Variants in ZNF213 observed in about 807,000 individuals in gnomAD.
The protein encoded by ZNF213 is putative transcription factor CR53.
Under a neutral mutation model 46.0 loss-of-function variants are expected in ZNF213, and 32 were observed. The observed-to-expected ratio is 0.70, with a 90% CI of 0.52 to 0.93. The LOEUF (loss-of-function observed/expected upper bound fraction) is 0.93, where lower values mean the gene tolerates loss of function less well. Ranked by LOEUF, ZNF213 falls within the 40% of genes least tolerant of loss-of-function variation. The probability of loss-of-function intolerance (pLI) is 0.00; values close to 1 mark genes in which losing one functional copy is unlikely to be tolerated. For synonymous variants in ZNF213, 297 were observed against 271.0 expected, an observed-to-expected ratio of 1.10 and a Z score of -0.94; for missense variants, 639 against 652.8, an observed-to-expected ratio of 0.98 and a Z score of 0.23.
Position 3,138,424 on chromosome 16 carries a change from C to G in ZNF213, c.406C>G (p.Pro136Ala), listed in dbSNP as rs1957565577. The G allele has an allele frequency of 1.2e-6, 2 of 1,613,516 alleles. No individual in the cohort carries two copies. The highest frequency in any genetic ancestry group is 1.7e-5 in the Admixed American group (1 of 59,920). Residue 136 changes from proline (P) to alanine (A), a missense_variant, in exon 3 of 6, where the codon CCC (proline) becomes GCC (alanine). Transcript: ENST00000396878. ...QPVKAWRQDV[P>A]SEEAEPEAAG... ...TGTTGTGGTTCCTGCACAGGATGTG[C>G]CCTCGGAGGAGGCGGAACCCGAGGC...
rs1957590437 is a variant in ZNF213, at chr16:3,140,435, C to G, written c.722-254C>G. On this transcript the variant is annotated intron_variant, in intron 5 of 5. Transcript: ENST00000396878. ...ACGGGGTTTCACCATGTTGGCCAGG[C>G]TGGTCTCGAACTCCTAACCTCAGGT... is the stretch of plus-strand genomic sequence containing the variant. 13 of 391,944 alleles carry G rather than the reference C, an allele frequency of 3.3e-5. No individual in the cohort carries two copies. The East Asian group carries it at 5.7e-4, about 17-fold the overall frequency. 24.3% of individuals were successfully genotyped at this position (391,944 alleles called of 1,614,324 possible).
chr16:3,137,870 A>G (rs527770070), intron 2 of ZNF213, 191 bp downstream of exon 2: 1 of 741,228 alleles, frequency 1.3e-6, no homozygotes, highest in East Asian at 2.7e-5. Context: ...AATGTGATTT[A>G]TTTTTTGTGG....
rs754825183 is a variant in ZNF213 at position 3,137,460 on chromosome 16, T to C, written c.180T>C (p.His60=). 6.2e-7 allele frequency: 1 copy of C among 1,613,956 alleles called. No homozygotes were observed. Among genetic ancestry groups the C allele is most frequent in the Non-Finnish European group, 8.5e-7 (1 of 1,180,036 alleles). Residue 60 remains histidine (H), a synonymous_variant, in exon 2 of 6, where the codon CAT becomes CAC. Coordinates refer to ENST00000396878, the MANE Select transcript of ZNF213 (RefSeq NM_004220.3). ...QFCYGDVHGP[H]EAFSQLWELC... ...GCTACGGGGATGTGCATGGGCCTCA[T>C]GAGGCCTTCAGCCAGCTCTGGGAGC... is the stretch of plus-strand genomic sequence containing the variant.
Position 3,138,819 on chromosome 16 carries a change from G to C in ZNF213, c.597+1G>C, listed in dbSNP as rs756161340. On this transcript the variant is annotated splice_donor_variant, in intron 4 of 5. Coordinates refer to ENST00000396878, the MANE Select transcript of ZNF213 (RefSeq NM_004220.3). LOFTEE classifies it high-confidence loss of function. Reference sequence around the variant, plus strand: ...CACCTGCTTTGTCTCTGGGGTCCATGTGAGTCACCAGTCCCTTTGTCTTCT... The same window carrying C: ...CACCTGCTTTGTCTCTGGGGTCCATCTGAGTCACCAGTCCCTTTGTCTTCT... 1.9e-6 allele frequency: 3 copies of C among 1,614,104 alleles called. No individual in the cohort carries two copies. In the South Asian group the frequency reaches 3.3e-5, roughly 18 times the overall value.
At chr16:3,138,230 G>A (rs1957563348) in intron 2 of ZNF213, 188 bp from the exon 3 acceptor site, 1 of 1,142,580 alleles carries the variant, frequency 8.8e-7, no homozygotes, top group Admixed American at 2.7e-5. Flanking sequence ...TGATCGGGGA[G>A]CATCCTTGGG....
chr16:3,136,627 G>T (rs2141532414), intron 1 of ZNF213, among the ~76,000 whole-genome samples: 1 of 151,748 alleles, frequency 6.6e-6, no homozygotes, highest in Non-Finnish European at 1.5e-5. Flanking sequence ...TGAAGCAGGA[G>T]AATCGCTTGA....
At position 3,141,257 on chromosome 16, in the gene ZNF213, C is replaced by T; in HGVS notation, c.1290C>T (p.Gly430=). ...RRVHTGERPF[G]CGECDKSFKQ... ...TGCACACCGGTGAGCGGCCCTTCGGCTGCGGAGAGTGCGACAAGAGCTTCA... is the reference window on the plus strand; with the variant it reads ...TGCACACCGGTGAGCGGCCCTTCGGTTGCGGAGAGTGCGACAAGAGCTTCA... Residue 430 remains glycine (G), a synonymous_variant, in exon 6 of 6, where the codon GGC becomes GGT. Transcript: ENST00000396878. 1.9e-6 allele frequency: 3 copies of T among 1,612,174 alleles called. No homozygotes were observed. The highest frequency in any genetic ancestry group is 2.5e-6 in the Non-Finnish European group (3 of 1,179,874).
In ZNF213 at chr16:3,138,456, C is replaced by G. The variant is rs770591024; in HGVS notation, c.438C>G (p.Gly146=). 2 of 1,613,100 alleles carry G rather than the reference C, an allele frequency of 1.2e-6. No homozygotes were observed. The highest frequency in any genetic ancestry group is 4.5e-5 in the East Asian group (2 of 44,868). ...PSEEAEPEAA[G]RGSQATGPPP... is the part of the protein sequence containing the mutation. ...AGGAGGCGGAACCCGAGGCTGCAGGCCGGGGATCCCAGGCCACGGGGCCTC... is the reference window on the plus strand; with the variant it reads ...AGGAGGCGGAACCCGAGGCTGCAGGGCGGGGATCCCAGGCCACGGGGCCTC... The change falls in exon 3 of 6, where the codon GGC becomes GGG. Residue 146 remains glycine, a synonymous_variant. Transcript: ENST00000396878.
At chr16:3,136,960 C>T (rs369835217) in intron 1 of ZNF213, among the ~76,000 whole-genome samples, 9 of 152,052 alleles carry the variant, frequency 5.9e-5, no homozygotes, top group African/African-American at 1.7e-4. Flanking sequence ...ATGAAACACC[C>T]GGGTTTTGGA....
intron 5 of ZNF213, 84 bp from the exon 6 acceptor site, chr16:3,140,605 T>C: frequency 1.4e-6 from 2 of 1,428,350 alleles, no homozygotes; most frequent in Admixed American, 5.7e-5. Flanking sequence ...GCCAGGGAGC[T>C]TTCCCCAGCC....
At position 3,139,015 on chromosome 16, in the gene ZNF213, G is replaced by T; in HGVS notation, c.638G>T (p.Arg213Leu). 1 of 1,614,130 alleles carries T rather than the reference G, an allele frequency of 6.2e-7. No homozygotes were observed. Among genetic ancestry groups the T allele is most frequent in the Non-Finnish European group, 8.5e-7 (1 of 1,180,012 alleles). ...ALGDIPFYFS[R>L]EEWGTLDPAQ... ...GGAGACATCCCATTCTATTTCTCCC[G>T]GGAAGAATGGGGCACCCTGGACCCT... Residue 213 changes from arginine to leucine, a missense_variant, in exon 5 of 6, where the codon CGG becomes CTG. Transcript: ENST00000396878.
Position 3,140,885 on chromosome 16 carries a change from CCAGTTCCGGGACCTGG to C in ZNF213, c.922_937del (p.Phe308ProfsTer234). 6.3e-7 allele frequency: 1 copy of C among 1,579,392 alleles called. No individual in the cohort carries two copies. Among genetic ancestry groups the C allele is most frequent in the Non-Finnish European group, 8.6e-7 (1 of 1,166,226 alleles). On this transcript the variant is annotated frameshift_variant, in exon 6 of 6. Coordinates refer to ENST00000396878, the MANE Select transcript of ZNF213 (RefSeq NM_004220.3). LOFTEE classifies it high-confidence loss of function. ...GGGGGCGGCCACCCACTCGCCGGCG[CCAGTTCCGGGACCTGG>C]CAGCCGAGAAGCCGCACAGCTGCGG...
At position 3,141,632 on chromosome 16, in the gene ZNF213, G is replaced by T. The variant is rs1344443916; in HGVS notation, c.*285G>T. ...TTTCCTGGAGCCCCAACACATTCCTGGCAGGGACAGCAGGGTGGCAAGGAC... is the reference window on the plus strand; with the variant it reads ...TTTCCTGGAGCCCCAACACATTCCTTGCAGGGACAGCAGGGTGGCAAGGAC... On this transcript the variant is annotated 3_prime_UTR_variant, in exon 6 of 6. Coordinates refer to ENST00000396878, the MANE Select transcript of ZNF213 (RefSeq NM_004220.3). The T allele has an allele frequency of 4.3e-6, 2 of 463,628 alleles. No individual in the cohort carries two copies. Among genetic ancestry groups the T allele is most frequent in the Admixed American group, 3.9e-5 (1 of 25,592 alleles). The allele number at this position is 463,628 out of a possible 1,614,324, so 28.7% of individuals were successfully genotyped here.
At chr16:3,140,307 C>G (rs548763315) in intron 5 of ZNF213, 2 of 166,050 alleles carry the variant, frequency 1.2e-5, no homozygotes, top group African/African-American at 4.8e-5. Context: ...CTGCAACCTC[C>G]GCTTCATGGG....
Position 3,141,556 on chromosome 16 carries a change from G to A in ZNF213, c.*209G>A, listed in dbSNP as rs75507830. On this transcript the variant is annotated 3_prime_UTR_variant, in exon 6 of 6. Transcript: ENST00000396878. The stretch of plus-strand genomic sequence containing the variant: ...ACGGAAGCCTTCCCCTCCCGCCCCC[G>A]ATCTTGTCCTCTTTCCCCCTTCTGC... 7.3e-4 allele frequency: 406 copies of A among 554,158 alleles called. 3 individuals are homozygous for A. In the East Asian group the frequency reaches 0.011, roughly 15 times the overall value. The allele number at this position is 554,158 out of a possible 1,614,324, so 34.3% of individuals were successfully genotyped here.
At chr16:3,138,656 C>A in intron 3 of ZNF213, 89 bp from the exon 4 acceptor site, 2 of 1,608,596 alleles carry the variant, frequency 1.2e-6, no homozygotes, top group Non-Finnish European at 8.5e-7. Context: ...AAGTCCAGGG[C>A]GTGTGTGCAT....
At chr16:3,139,304 CTGCAGT>C in intron 5 of ZNF213, 3 of 667,942 alleles carry the variant, frequency 4.5e-6, no homozygotes, top group Non-Finnish European at 7.3e-6. Flanking sequence ...CTGCCCAGCC[CTGCAGT>C]TGCTCTAAGG....
Position 3,140,547 on chromosome 16 carries a change from G to A in ZNF213, c.722-142G>A, listed in dbSNP as rs895128934. 3 of 1,224,724 alleles carry A rather than the reference G, an allele frequency of 2.4e-6. No homozygotes were observed. In the African/African-American group the frequency reaches 4.8e-5, roughly 20 times the overall value. 75.9% of individuals were successfully genotyped at this position (1,224,724 alleles called of 1,614,324 possible). A position where few individuals can be genotyped will look rare whatever the true frequency, so the allele number is the denominator to read the frequency against. ...CAATCATCCCTGTTTTATAGATGAGGAACCTGAGAATTCAGCTGTGTGAAC... is the reference window on the plus strand; with the variant it reads ...CAATCATCCCTGTTTTATAGATGAGAAACCTGAGAATTCAGCTGTGTGAAC... On this transcript the variant is annotated intron_variant, in intron 5 of 5. Transcript: ENST00000396878.
At chr16:3,136,437 G>T (rs1255642126) in intron 1 of ZNF213, among the ~76,000 whole-genome samples, 3 of 152,172 alleles carry the variant, frequency 2.0e-5, no homozygotes, top group African/African-American at 4.8e-5. Flanking sequence ...TTTTAATTAG[G>T]CCGGGCGCAG....
Sources: allele counts gnomAD v4.1 joint callset (sites outside exome capture counted in the v4.1 genomes callset), GRCh38; gene constraint gnomAD v4.1.1; transcripts MANE v1.5; gene names NCBI Gene and HGNC (gene_info 2026-07-23, HGNC 2026-07-21).